IPCEF1: variants seen among roughly 807,000 people sequenced by gnomAD.
IPCEF1 encodes the protein interactor protein for cytohesin exchange factors 1.
Under a neutral mutation model 50.9 loss-of-function variants are expected in IPCEF1, and 31 were observed. That is an observed-to-expected ratio of 0.61 (90% confidence interval 0.46 to 0.82). The LOEUF (loss-of-function observed/expected upper bound fraction) is 0.82, where lower values mean the gene tolerates loss of function less well. Among genes scored for constraint, IPCEF1 ranks in the 40% least tolerant of loss-of-function variants. The pLI is 0.00. For synonymous variants in IPCEF1, 181 were observed against 192.0 expected, an observed-to-expected ratio of 0.94 and a Z score of 0.47; for missense variants, 458 against 514.0, an observed-to-expected ratio of 0.89 and a Z score of 1.05.
chr6:154,160,096 T>C (rs1427655538), intron 11 of IPCEF1, 56 bp from the exon 12 acceptor site: 4 of 1,335,732 alleles, frequency 3.0e-6, no homozygotes, highest in African/African-American at 2.9e-5. Flanking sequence ...TTAATTTACA[T>C]AAACCATCTT....
At chr6:154,351,072 G>A (rs957193255) in intron 1 of IPCEF1, among the ~76,000 whole-genome samples, 8 of 152,206 alleles carry the variant, frequency 5.3e-5, no homozygotes, top group Non-Finnish European at 1.2e-4. Context: ...CAAGCGTGGA[G>A]AAGTTAAATG....
chr6:154,314,300 C>A (rs1783159331), intron 1 of IPCEF1, among the ~76,000 whole-genome samples: 1 of 152,092 alleles, frequency 6.6e-6, no homozygotes, highest in Non-Finnish European at 1.5e-5. Context: ...ATAGAAGAAT[C>A]AAATTGGCCA....
At chr6:154,315,834 G>A (rs922689452) in intron 1 of IPCEF1, among the ~76,000 whole-genome samples, 3 of 151,752 alleles carry the variant, frequency 2.0e-5, no homozygotes, top group Admixed American at 6.6e-5. Flanking sequence ...ATTTTTTTTG[G>A]GGGGGAGCGG....
At chr6:154,315,835 G>GC (rs1411624371) in intron 1 of IPCEF1, among the ~76,000 whole-genome samples, 27 of 151,934 alleles carry the variant, frequency 1.8e-4, no homozygotes, top group African/African-American at 6.5e-4. Context: ...TTTTTTTTGG[G>GC]GGGGAGCGGT....
At chr6:154,203,799 T>C (rs903856104) in intron 9 of IPCEF1, among the ~76,000 whole-genome samples, 1 of 152,218 alleles carries the variant, frequency 6.6e-6, no homozygotes, top group Admixed American at 6.5e-5. Flanking sequence ...GACAAATTAA[T>C]GACAAAGAAT....
At chr6:154,266,253 C>T (rs1781751117) in intron 2 of IPCEF1, among the ~76,000 whole-genome samples, 1 of 151,882 alleles carries the variant, frequency 6.6e-6, no homozygotes, top group Non-Finnish European at 1.5e-5. Context: ...GTTGTAGTGG[C>T]ACACACCTGT....
At position 154,322,373 on chromosome 6, in the gene IPCEF1, A is replaced by AACACACACACAC. The variant is rs3039689; in HGVS notation, c.-61-32629_-61-32618dup. ...CTCTACAAAAAGTTTAAAAATTTTA[A>AACACACACACAC]ACACACACACACACACACACACACA... On this transcript the variant is annotated intron_variant, in intron 1 of 11. Coordinates refer to ENST00000367220, the MANE Select transcript of IPCEF1 (RefSeq NM_001130700.2). Among the ~76,000 whole-genome samples the AACACACACACAC allele has an allele frequency of 4.6e-3, 567 of 123,828 alleles. 1 individual carries two copies. The highest frequency in any genetic ancestry group is 0.015 in the African/African-American group (548 of 36,914). 81.2% of individuals were successfully genotyped at this position (123,828 alleles called of 152,430 possible).
intron 9 of IPCEF1, among the ~76,000 whole-genome samples, chr6:154,209,868 T>C (rs790250): frequency 0.25 from 37,782 of 152,114 alleles, 5,263 homozygotes; most frequent in Admixed American, 0.43. Context: ...ATTTCCAATA[T>C]ATTTCTTTAG....
rs372871802 is a variant in IPCEF1 at position 154,195,229 on chromosome 6, T to G, written c.910+4439A>C. On this transcript the variant is annotated intron_variant, in intron 10 of 11. Transcript: ENST00000367220. The stretch of plus-strand genomic sequence containing the variant: ...GTGGCACGATCTCGGCTCACTGCAA[T>G]CTCCGCCTCCAGGGTTCACACCATT... Among the ~76,000 whole-genome samples, 873 of 145,420 alleles carry G rather than the reference T, an allele frequency of 6.0e-3. 7 individuals carry two copies. Among genetic ancestry groups the G allele is most frequent in the African/African-American group, 0.02 (801 of 39,292 alleles).
chr6:154,223,636 G>A (rs1779035711), intron 5 of IPCEF1, among the ~76,000 whole-genome samples: 1 of 152,200 alleles, frequency 6.6e-6, no homozygotes, highest in Non-Finnish European at 1.5e-5. Context: ...CACACAGGAA[G>A]AAACCTAACT....
At chr6:154,303,508 G>A (rs368444099) in intron 1 of IPCEF1, among the ~76,000 whole-genome samples, 1 of 152,176 alleles carries the variant, frequency 6.6e-6, no homozygotes, top group African/African-American at 2.4e-5. Flanking sequence ...AATACAGGAC[G>A]GGGAGAGACA....
At chr6:154,297,749 G>A (rs1314484237) in intron 1 of IPCEF1, among the ~76,000 whole-genome samples, 1 of 152,156 alleles carries the variant, frequency 6.6e-6, no homozygotes, top group Non-Finnish European at 1.5e-5. Context: ...GGGTCATTCT[G>A]TACATACAGT....
intron 1 of IPCEF1, among the ~76,000 whole-genome samples, chr6:154,318,290 G>T (rs956616728): frequency 1.3e-5 from 2 of 152,100 alleles, no homozygotes; most frequent in Admixed American, 6.5e-5. Flanking sequence ...AAAACTCATG[G>T]AGCTGCAGCA....
chr6:154,316,126 G>A (rs1374500140), intron 1 of IPCEF1, among the ~76,000 whole-genome samples: 1 of 152,154 alleles, frequency 6.6e-6, no homozygotes, highest in Admixed American at 6.5e-5. Flanking sequence ...CCAAAGTGGT[G>A]GAATTATAGG....
At chr6:154,198,552 G>A (rs1776809025) in intron 10 of IPCEF1, among the ~76,000 whole-genome samples, 1 of 151,986 alleles carries the variant, frequency 6.6e-6, no homozygotes, top group Non-Finnish European at 1.5e-5. Context: ...AGGCCTCAGA[G>A]AGTGGTGACA....
intron 10 of IPCEF1, among the ~76,000 whole-genome samples, chr6:154,184,188 A>C (rs1157845766): frequency 6.6e-6 from 1 of 151,660 alleles, no homozygotes; most frequent in Non-Finnish European, 1.5e-5. Flanking sequence ...TACACTGAAA[A>C]CTTTCTCTTA....
At chr6:154,317,113 A>G (rs1482408681) in intron 1 of IPCEF1, among the ~76,000 whole-genome samples, 1 of 152,210 alleles carries the variant, frequency 6.6e-6, no homozygotes, top group Middle Eastern at 3.2e-3. Context: ...AAAAATTCTA[A>G]TCACAAGTGA....
intron 1 of IPCEF1, among the ~76,000 whole-genome samples, chr6:154,351,765 A>G (rs1360869159): frequency 6.6e-6 from 1 of 152,168 alleles, no homozygotes; most frequent in Admixed American, 6.5e-5. Context: ...CAATAGTACT[A>G]TTTCCCAGAA....
At chr6:154,225,901 C>G (rs1360020325) in intron 5 of IPCEF1, among the ~76,000 whole-genome samples, 1 of 152,188 alleles carries the variant, frequency 6.6e-6, no homozygotes, top group Non-Finnish European at 1.5e-5. Context: ...GACCAAAACT[C>G]CACCCGCGTT....
Sources: gnomAD v4.1 joint callset for allele counts (sites outside exome capture counted in the v4.1 genomes callset) on GRCh38, gnomAD v4.1.1 for gene constraint, MANE v1.5 for transcripts, NCBI Gene and HGNC (gene_info 2026-07-23, HGNC 2026-07-21) for gene names.